Variants in KLHL32 observed in about 807,000 individuals in gnomAD.
KLHL32 encodes kelch-like protein 32.
Under a neutral mutation model 64.8 loss-of-function variants are expected in KLHL32, and 35 were observed. The ratio of observed to expected loss-of-function variants is 0.54; its 90% CI spans 0.41 to 0.72. KLHL32 has a LOEUF of 0.72. Among genes scored for constraint, KLHL32 ranks in the 30% least tolerant of loss-of-function variants. The pLI is 0.00. For missense variants in KLHL32, 589 were observed against 768.5 expected, an observed-to-expected ratio of 0.77 and a Z score of 2.76; for synonymous variants, 259 against 281.0, an observed-to-expected ratio of 0.92 and a Z score of 0.78.
chr6:97,054,483 C>T (rs1433054533), intron 4 of KLHL32, among the ~76,000 whole-genome samples: 3 of 152,160 alleles, frequency 2.0e-5, no homozygotes, highest in African/African-American at 4.8e-5. Flanking sequence ...CAGATCAACA[C>T]ACCATTGCAT....
chr6:97,061,796 G>A (rs559938758), intron 4 of KLHL32, among the ~76,000 whole-genome samples: 2 of 152,292 alleles, frequency 1.3e-5, no homozygotes, highest in South Asian at 2.1e-4. Context: ...TCACCACACT[G>A]TAAATCATGA....
intron 1 of KLHL32, among the ~76,000 whole-genome samples, chr6:96,934,963 C>T (rs1316902415): frequency 3.3e-5 from 5 of 151,948 alleles, no homozygotes; most frequent in African/African-American, 7.3e-5. Context: ...TTTATTTTTG[C>T]GAGAGTTCAA....
chr6:96,917,538 C>T, the KLHL32 span, among the ~76,000 whole-genome samples: 1 of 152,166 alleles, frequency 6.6e-6, no homozygotes, highest in African/African-American at 2.4e-5. Context: ...ATGACAGAGG[C>T]ACCATTTCTT....
At chr6:96,914,294 G>A in the KLHL32 span, among the ~76,000 whole-genome samples, 4 of 151,976 alleles carry the variant, frequency 2.6e-5, no homozygotes, top group Non-Finnish European at 5.9e-5. Context: ...TCAAGCCTCT[G>A]TACTTGAGAT....
intron 3 of KLHL32, among the ~76,000 whole-genome samples, chr6:97,041,176 A>G (rs564013670): frequency 1.3e-5 from 2 of 152,326 alleles, no homozygotes; most frequent in East Asian, 3.9e-4. Context: ...ATAACTTGGT[A>G]GCAATGAGAA....
chr6:97,137,187 T>C (rs775862064), intron 10 of KLHL32, among the ~76,000 whole-genome samples: 1 of 152,176 alleles, frequency 6.6e-6, no homozygotes, highest in Non-Finnish European at 1.5e-5. Flanking sequence ...CAAACTAATC[T>C]TGAAAGATTC....
At chr6:97,007,840 T>A (rs1779860639) in intron 3 of KLHL32, among the ~76,000 whole-genome samples, 1 of 152,058 alleles carries the variant, frequency 6.6e-6, no homozygotes. Flanking sequence ...CCCCTAAAGG[T>A]TAGGAACCTG....
chr6:97,121,243 T>C (rs1201244402), intron 7 of KLHL32, among the ~76,000 whole-genome samples: 1 of 152,192 alleles, frequency 6.6e-6, no homozygotes, highest in Non-Finnish European at 1.5e-5. Context: ...AGACCATGCT[T>C]TTCCCACCAA....
the KLHL32 span, among the ~76,000 whole-genome samples, chr6:96,908,584 G>T: frequency 6.6e-6 from 1 of 152,142 alleles, no homozygotes; most frequent in African/African-American, 2.4e-5. Context: ...AAGAGAAAAA[G>T]ACCAAAGCTT....
intron 3 of KLHL32, among the ~76,000 whole-genome samples, chr6:97,026,097 T>C (rs1261202725): frequency 1.3e-5 from 2 of 151,866 alleles, no homozygotes; most frequent in Non-Finnish European, 2.9e-5. Context: ...AAATACATTA[T>C]ATATATATAA....
chr6:97,004,475 T>C (rs1779419161), intron 3 of KLHL32, among the ~76,000 whole-genome samples: 1 of 152,198 alleles, frequency 6.6e-6, no homozygotes, highest in Non-Finnish European at 1.5e-5. Context: ...CATTTCTTTC[T>C]ATTTCCTGAT....
intron 3 of KLHL32, among the ~76,000 whole-genome samples, chr6:96,984,766 C>G (rs895830944): frequency 6.6e-6 from 1 of 152,132 alleles, no homozygotes; most frequent in Non-Finnish European, 1.5e-5. Flanking sequence ...CTATGTGTGT[C>G]TCTGCACGTG....
the KLHL32 span, among the ~76,000 whole-genome samples, chr6:96,898,549 CCTTAT>C: frequency 3.9e-4 from 60 of 152,068 alleles, no homozygotes; most frequent in Non-Finnish European, 7.2e-4. Context: ...TTATACTTTC[CCTTAT>C]CTTATTTTTG....
chr6:97,130,923 C>T lies in KLHL32; in HGVS notation c.1580C>T (p.Thr527Ile). The T allele has an allele frequency of 6.2e-7, 1 of 1,612,462 alleles. No individual in the cohort carries two copies. Among genetic ancestry groups the T allele is most frequent in the Non-Finnish European group, 8.5e-7 (1 of 1,179,270 alleles). The change falls in exon 9 of 11, where the codon ACA becomes ATA. Residue 527 changes from threonine to isoleucine, a missense_variant. Thr to Ile is a moderately conservative substitution (Grantham distance 89, BLOSUM62 -1). This residue lies in a region of KLHL32 where 172 missense variants were observed against 192.0 expected (regional missense o/e 0.90). Transcript: ENST00000369261. ...DSYNIDTDQW[T>I]RCNFNLLTGQ... ...TACAACATAGACACTGACCAGTGGA[C>T]ACGTTGTAATTTCAACCTGCTGACT...
chr6:97,060,638 T>A (rs1041474551), intron 4 of KLHL32, among the ~76,000 whole-genome samples: 2 of 152,138 alleles, frequency 1.3e-5, no homozygotes, highest in Non-Finnish European at 2.9e-5. Context: ...GGGTCTTCAT[T>A]GGAGATCATG....
chr6:96,920,535 C>T (rs1300126704), upstream of KLHL32, among the ~76,000 whole-genome samples: 1 of 151,998 alleles, frequency 6.6e-6, no homozygotes, highest in African/African-American at 2.4e-5. Flanking sequence ...TCACCCCTCT[C>T]CTCCTGAGCC....
At chr6:96,972,620 G>A (rs914908785) in intron 2 of KLHL32, among the ~76,000 whole-genome samples, 2 of 152,138 alleles carry the variant, frequency 1.3e-5, no homozygotes, top group African/African-American at 4.8e-5. Context: ...TCAAATCTGT[G>A]TTTCCTTGAG....
chr6:96,989,043 A>G (rs1433653106), intron 3 of KLHL32, among the ~76,000 whole-genome samples: 2 of 152,226 alleles, frequency 1.3e-5, no homozygotes, highest in Non-Finnish European at 2.9e-5. Flanking sequence ...AGCATGGCAC[A>G]TGTATACATA....
At chr6:96,949,913 C>A (rs981014441) in intron 1 of KLHL32, among the ~76,000 whole-genome samples, 1 of 151,638 alleles carries the variant, frequency 6.6e-6, no homozygotes, top group African/African-American at 2.4e-5. Context: ...ATTGTTTTTT[C>A]TTTTTTAATA....
Sources: gnomAD v4.1 joint callset for allele counts (sites outside exome capture counted in the v4.1 genomes callset) on GRCh38, gnomAD v4.1.1 for gene constraint, gnomAD v4.1.1 regional missense constraint, MANE v1.5 for transcripts, NCBI Gene and HGNC (gene_info 2026-07-23, HGNC 2026-07-21) for gene names.